Variants in CCDC91 observed in about 807,000 individuals in gnomAD.
The protein encoded by CCDC91 is coiled-coil domain containing 91.
A neutral mutation model predicts 63.2 loss-of-function variants in CCDC91; 48 were observed. The observed-to-expected ratio is 0.76, with a 90% CI of 0.60 to 0.97. CCDC91 has a LOEUF of 0.97. Among genes scored for constraint, CCDC91 ranks in the 50% least tolerant of loss-of-function variants. The pLI is 0.00. For missense variants in CCDC91, 500 were observed against 494.6 expected, an observed-to-expected ratio of 1.01 and a Z score of -0.10; for synonymous variants, 167 against 165.8, an observed-to-expected ratio of 1.01 and a Z score of -0.06.
chr12:28,450,259 ACTTTAAC>A lies in CCDC91; in HGVS notation c.855+7_855+13del, dbSNP rs1267721896. On this transcript the variant is annotated splice_region_variant and intron_variant, in intron 9 of 12. Transcript: ENST00000536442. ...AGCAATCTCAAGAACAGAAGGTAATACTTTAACTGTGCTCAGAGTGTAGAAAGAATGT... is the reference window on the plus strand; with the variant it reads ...AGCAATCTCAAGAACAGAAGGTAATATGTGCTCAGAGTGTAGAAAGAATGT... 14 of 1,594,186 alleles carry A rather than the reference ACTTTAAC, an allele frequency of 8.8e-6. No homozygotes were observed. The highest frequency in any genetic ancestry group is 1.3e-5 in the African/African-American group (1 of 74,398).
At chr12:28,432,822 A>G (rs1484829881) in intron 8 of CCDC91, among the ~76,000 whole-genome samples, 2 of 152,076 alleles carry the variant, frequency 1.3e-5, no homozygotes, top group Non-Finnish European at 2.9e-5. Flanking sequence ...TGTCTGTACC[A>G]TTTTGGTTAT....
intron 12 of CCDC91, among the ~76,000 whole-genome samples, chr12:28,508,451 A>T (rs1938999539): frequency 6.6e-6 from 1 of 151,778 alleles, no homozygotes; most frequent in Admixed American, 6.6e-5. Flanking sequence ...TATGGCTATG[A>T]CTGCTGTGCT....
At chr12:28,281,652 T>G (rs571310535) in intron 3 of CCDC91, among the ~76,000 whole-genome samples, 1 of 152,324 alleles carries the variant, frequency 6.6e-6, no homozygotes, top group South Asian at 2.1e-4. Flanking sequence ...CTGAATCTAT[T>G]TAAGTATAGG....
At chr12:28,255,526 C>T (rs1410934813) in intron 1 of CCDC91, 9 of 152,140 alleles carry the variant, frequency 5.9e-5, no homozygotes, top group African/African-American at 2.2e-4. Context: ...ATGTGAGTTC[C>T]ATTTCAAACT....
rs73087950 is a variant in CCDC91 at position 28,515,897 on chromosome 12, C to T, written c.1215+31732C>T. On this transcript the variant is annotated intron_variant, in intron 12 of 12. Coordinates refer to ENST00000536442, the MANE Select transcript of CCDC91 (RefSeq NM_018318.5). ...CCCTCACCTCCCCATCCACTCCTTC[C>T]AGTCACTACTATCCCCTCAAAGGGA... is the stretch of plus-strand genomic sequence containing the variant. Among the ~76,000 whole-genome samples the T allele has an allele frequency of 2.7e-3, 414 of 151,980 alleles. 1 individual carries two copies. Among genetic ancestry groups the T allele is most frequent in the Non-Finnish European group, 4.4e-3 (300 of 67,868 alleles).
chr12:28,233,703 C>T (rs748406625), intron 1 of CCDC91, among the ~76,000 whole-genome samples: 3 of 152,082 alleles, frequency 2.0e-5, no homozygotes, highest in Non-Finnish European at 4.4e-5. Flanking sequence ...ACCCTGACTT[C>T]TCTGAGAAGA....
At chr12:28,491,587 GA>G (rs1285141614) in intron 12 of CCDC91, among the ~76,000 whole-genome samples, 1 of 151,672 alleles carries the variant, frequency 6.6e-6, no homozygotes, top group Non-Finnish European at 1.5e-5. Flanking sequence ...TCTGTCAAAT[GA>G]AAACTAAAAT....
intron 12 of CCDC91, among the ~76,000 whole-genome samples, chr12:28,500,115 A>G (rs1447012145): frequency 2.0e-5 from 3 of 150,996 alleles, no homozygotes; most frequent in Non-Finnish European, 4.4e-5. Flanking sequence ...GCTTTTTTCC[A>G]TATATTTGTT....
intron 1 of CCDC91, among the ~76,000 whole-genome samples, chr12:28,200,101 T>C (rs1942096914): frequency 6.6e-6 from 1 of 152,080 alleles, no homozygotes; most frequent in South Asian, 2.1e-4. Context: ...TGGTTTCCTA[T>C]AGGTCTTTGA....
intron 1 of CCDC91, among the ~76,000 whole-genome samples, chr12:28,232,871 C>T (rs1944689441): frequency 6.6e-6 from 1 of 151,374 alleles, no homozygotes; most frequent in Admixed American, 6.6e-5. Flanking sequence ...ATCCCAGCTA[C>T]TCAGAAGGCT....
intron 1 of CCDC91, among the ~76,000 whole-genome samples, chr12:28,247,576 GT>G (rs1441989512): frequency 2.0e-5 from 3 of 152,088 alleles, no homozygotes; most frequent in Non-Finnish European, 4.4e-5. Flanking sequence ...GAACACTTAG[GT>G]TGCAGAGTGG....
At chr12:28,524,431 C>T (rs1185869023) in intron 12 of CCDC91, among the ~76,000 whole-genome samples, 4 of 152,056 alleles carry the variant, frequency 2.6e-5, no homozygotes, top group African/African-American at 4.8e-5. Flanking sequence ...TAAACTATCC[C>T]TGCATCCCTG....
intron 8 of CCDC91, among the ~76,000 whole-genome samples, chr12:28,409,438 G>A (rs1286238706): frequency 6.6e-6 from 1 of 151,914 alleles, no homozygotes; most frequent in Non-Finnish European, 1.5e-5. Context: ...TGTAATCTAT[G>A]TTTTCTTTCT....
chr12:28,412,051 A>C (rs1471735411), intron 8 of CCDC91, among the ~76,000 whole-genome samples: 1 of 152,186 alleles, frequency 6.6e-6, no homozygotes, highest in East Asian at 1.9e-4. Context: ...AATAGTTACT[A>C]TTGTATTACA....
At position 28,259,761 on chromosome 12, in the gene CCDC91, A is replaced by G. The variant is rs184025468; in HGVS notation, c.109+319A>G. 2.5e-3 allele frequency among the ~76,000 whole-genome samples: 375 copies of G among 152,070 alleles called. 2 individuals are homozygous for G. Among genetic ancestry groups the G allele is most frequent in the Non-Finnish European group, 3.9e-3 (262 of 67,906 alleles). On this transcript the variant is annotated intron_variant, in intron 3 of 12. Coordinates refer to ENST00000536442, the MANE Select transcript of CCDC91 (RefSeq NM_018318.5). ...ATAACTTTTTTAGGTTGTCCAGTTC[A>G]TTAAAGATTCCTTTTTATAGTCCAA...
chr12:28,536,153 T>G (rs1942157632), intron 12 of CCDC91, among the ~76,000 whole-genome samples: 1 of 152,114 alleles, frequency 6.6e-6, no homozygotes, highest in African/African-American at 2.4e-5. Flanking sequence ...TTTCCTTGTT[T>G]GGGATGCCTA....
At chr12:28,337,297 ATG>A (rs1942056608) in intron 6 of CCDC91, among the ~76,000 whole-genome samples, 1 of 152,268 alleles carries the variant, frequency 6.6e-6, no homozygotes, top group East Asian at 1.9e-4. Flanking sequence ...AATAATTTGA[ATG>A]TGATTGAATT....
chr12:28,274,814 C>G (rs944529787), intron 3 of CCDC91, among the ~76,000 whole-genome samples: 4 of 152,032 alleles, frequency 2.6e-5, no homozygotes, highest in Non-Finnish European at 4.4e-5. Flanking sequence ...TCCCCTTTTC[C>G]TAATTGAATC....
intron 3 of CCDC91, among the ~76,000 whole-genome samples, chr12:28,289,685 C>CTTTTTT (rs75555723): frequency 0.024 from 2,336 of 97,944 alleles, 2 homozygotes; most frequent in East Asian, 0.038. Flanking sequence ...CTTTTCTTTT[C>CTTTTTT]TTTTTTTTTT....
Sources: allele counts gnomAD v4.1 joint callset (sites outside exome capture counted in the v4.1 genomes callset), GRCh38; gene constraint gnomAD v4.1.1; transcripts MANE v1.5; gene names NCBI Gene and HGNC (gene_info 2026-07-23, HGNC 2026-07-21).